Variants in CORIN observed in about 807,000 individuals in gnomAD.
CORIN encodes atrial natriuretic peptide-converting enzyme.
CORIN carries 117 observed loss-of-function variants against 125.3 expected under a neutral mutation model. That is an observed-to-expected ratio of 0.93 (90% confidence interval 0.80 to 1.09). CORIN has a LOEUF of 1.09. Among genes scored for constraint, CORIN ranks in the 50% least tolerant of loss-of-function variants. The pLI is 0.00. For missense variants in CORIN, 1,253 were observed against 1,306.7 expected, an observed-to-expected ratio of 0.96 and a Z score of 0.63; for synonymous variants, 450 against 466.4, an observed-to-expected ratio of 0.96 and a Z score of 0.45.
At position 47,804,743 on chromosome 4, in the gene CORIN, G is replaced by A. The variant is rs867491279; in HGVS notation, c.208+2160C>T. On this transcript the variant is annotated intron_variant, in intron 2 of 21. Coordinates refer to ENST00000273857, the MANE Select transcript of CORIN (RefSeq NM_006587.4). ...GGATGGTGGGGGGTGGGGAGGGGGG[G>A]GGTTGTTAATGGGTACAAAAATTAT... 5.6e-3 allele frequency among the ~76,000 whole-genome samples: 711 copies of A among 127,310 alleles called. 6 individuals are homozygous for A. Among genetic ancestry groups the A allele is most frequent in the Non-Finnish European group, 8.5e-3 (521 of 61,034 alleles). 83.5% of individuals were successfully genotyped at this position (127,310 alleles called of 152,430 possible).
intron 12 of CORIN, among the ~76,000 whole-genome samples, chr4:47,654,280 A>G (rs1723863560): frequency 6.6e-6 from 1 of 152,210 alleles, no homozygotes; most frequent in South Asian, 2.1e-4. Flanking sequence ...AGATGGCCAA[A>G]TAGAAGCCTC....
At chr4:47,774,155 G>A (rs1453913771) in intron 3 of CORIN, among the ~76,000 whole-genome samples, 2 of 152,188 alleles carry the variant, frequency 1.3e-5, no homozygotes, top group African/African-American at 4.8e-5. Flanking sequence ...AAGTAAGAAT[G>A]ATTTTTATAG....
intron 5 of CORIN, among the ~76,000 whole-genome samples, chr4:47,715,377 A>C (rs1727041768): frequency 6.6e-6 from 1 of 152,206 alleles, no homozygotes; most frequent in African/African-American, 2.4e-5. Context: ...AGGCAGAGGC[A>C]GGCGGATTGC....
intron 5 of CORIN, among the ~76,000 whole-genome samples, chr4:47,715,536 C>T (rs73142097): frequency 1.7e-4 from 26 of 151,994 alleles, no homozygotes; most frequent in African/African-American, 6.0e-4. Context: ...ATCCAGGAGA[C>T]GGAGGTGAGC....
At chr4:47,738,263 T>A (rs903835221) in intron 5 of CORIN, among the ~76,000 whole-genome samples, 3 of 152,110 alleles carry the variant, frequency 2.0e-5, no homozygotes, top group African/African-American at 7.2e-5. Context: ...AATTTAAGGA[T>A]AAGGCAGAGC....
intron 5 of CORIN, among the ~76,000 whole-genome samples, chr4:47,700,626 G>C (rs1008150603): frequency 6.6e-6 from 1 of 152,188 alleles, no homozygotes; most frequent in African/African-American, 2.4e-5. Context: ...AAGTCCTCAA[G>C]TGAGTGCTAG....
At chr4:47,619,133 T>C (rs1722199866) in intron 19 of CORIN, among the ~76,000 whole-genome samples, 1 of 152,224 alleles carries the variant, frequency 6.6e-6, no homozygotes, top group African/African-American at 2.4e-5. Flanking sequence ...AAATTACCCA[T>C]GAAAGTCAAA....
At chr4:47,637,500 T>C (rs949019977) in intron 16 of CORIN, among the ~76,000 whole-genome samples, 1 of 152,210 alleles carries the variant, frequency 6.6e-6, no homozygotes, top group Non-Finnish European at 1.5e-5. Context: ...ACCAGGGTCC[T>C]TGTGCTGTGT....
chr4:47,630,387 T>C (rs1300923997), intron 16 of CORIN, among the ~76,000 whole-genome samples: 3 of 152,206 alleles, frequency 2.0e-5, no homozygotes, highest in African/African-American at 7.2e-5. Context: ...ATGATTGGGA[T>C]TGCTTTTGAC....
intron 20 of CORIN, 55 bp downstream of exon 20, chr4:47,603,342 C>G: frequency 6.5e-7 from 1 of 1,543,666 alleles, no homozygotes; most frequent in Non-Finnish European, 8.8e-7. Flanking sequence ...ATAAATTACC[C>G]ACTCTCAGGT....
rs1416450151 is a variant in CORIN at position 47,794,351 on chromosome 4, GA to G, written c.209-7427del. Among the ~76,000 whole-genome samples the G allele has an allele frequency of 4.6e-5, 7 of 152,188 alleles. No homozygotes were observed. In the East Asian group the frequency reaches 1.2e-3, roughly 25 times the overall value. ...TTTGAGGAGAAAGGTCATTTCTGAA[GA>G]GAAATATTTTTATCGAATTCAAGAA... On this transcript the variant is annotated intron_variant, in intron 2 of 21. Transcript: ENST00000273857.
intron 6 of CORIN, among the ~76,000 whole-genome samples, chr4:47,685,598 A>G (rs149314472): frequency 1.6e-4 from 24 of 152,272 alleles, no homozygotes; most frequent in African/African-American, 5.1e-4. Flanking sequence ...TAGTCGCATA[A>G]CTCTATAAGT....
intron 1 of CORIN, among the ~76,000 whole-genome samples, chr4:47,816,155 C>G (rs1351201871): frequency 6.6e-6 from 1 of 152,114 alleles, no homozygotes; most frequent in Non-Finnish European, 1.5e-5. Flanking sequence ...AAAACATAAA[C>G]AGATGTTGAA....
intron 3 of CORIN, among the ~76,000 whole-genome samples, chr4:47,779,908 A>C (rs76103460): frequency 6.6e-6 from 1 of 152,356 alleles, no homozygotes; most frequent in African/African-American, 2.4e-5. Flanking sequence ...CTAGTTATCA[A>C]TGTAAATAAA....
intron 2 of CORIN, among the ~76,000 whole-genome samples, chr4:47,789,399 T>C (rs556154620): frequency 1.3e-5 from 2 of 152,350 alleles, no homozygotes; most frequent in Non-Finnish European, 2.9e-5. Flanking sequence ...AAGAAAACAC[T>C]GACTTGGATA....
chr4:47,604,133 C>T (rs1420359260), intron 19 of CORIN, among the ~76,000 whole-genome samples: 4 of 152,246 alleles, frequency 2.6e-5, no homozygotes, highest in Non-Finnish European at 5.9e-5. Context: ...CTCCAATGGT[C>T]ATTCCCATAC....
chr4:47,601,089 A>C (rs182108796), intron 20 of CORIN, among the ~76,000 whole-genome samples: 16 of 152,322 alleles, frequency 1.1e-4, no homozygotes, highest in Admixed American at 1.0e-3. Context: ...CCTTATTGGA[A>C]GAAAGAGCCA....
At chr4:47,798,712 T>C (rs1404977591) in intron 2 of CORIN, among the ~76,000 whole-genome samples, 1 of 152,184 alleles carries the variant, frequency 6.6e-6, no homozygotes, top group Non-Finnish European at 1.5e-5. Flanking sequence ...TTTCAACTTT[T>C]ATTTTGGATT....
At chr4:47,677,787 C>T in intron 9 of CORIN, 151 bp downstream of exon 9, 1 of 605,802 alleles carries the variant, frequency 1.7e-6, no homozygotes, top group Non-Finnish European at 2.9e-6. Flanking sequence ...AAAGTGTTTC[C>T]TGGCTGACTA....
Sources: gnomAD v4.1 joint callset for allele counts (sites outside exome capture counted in the v4.1 genomes callset) on GRCh38, gnomAD v4.1.1 for gene constraint, MANE v1.5 for transcripts, NCBI Gene and HGNC (gene_info 2026-07-23, HGNC 2026-07-21) for gene names.